TOX2: variants seen among roughly 807,000 people sequenced by gnomAD.
TOX2 encodes TOX high mobility group box family member 2.
Under a neutral mutation model 47.4 loss-of-function variants are expected in TOX2, and 15 were observed. That is an observed-to-expected ratio of 0.32 (90% CI 0.21 to 0.49). The LOEUF is 0.49. TOX2 is among the 20% of genes least tolerant of loss of function. The pLI, the probability that TOX2 is intolerant of heterozygous loss-of-function variation, is 0.99. For synonymous variants in TOX2, 290 were observed against 296.6 expected, an observed-to-expected ratio of 0.98 and a Z score of 0.23; for missense variants, 622 against 673.1, an observed-to-expected ratio of 0.92 and a Z score of 0.84.
At chr20:44,026,285 T>C (rs2071068105) in intron 3 of TOX2, among the ~76,000 whole-genome samples, 2 of 107,824 alleles carry the variant, frequency 1.9e-5, no homozygotes, top group Non-Finnish European at 3.7e-5. Context: ...TACTCAGCCA[T>C]AAAAAGGAAT....
chr20:43,952,073 TA>T (rs67043030), intron 1 of TOX2, among the ~76,000 whole-genome samples: 350 of 114,932 alleles, frequency 3.0e-3, no homozygotes, highest in Admixed American at 5.8e-3. Context: ...ATTTTTTTTT[TA>T]AAATTTTTAG....
intron 2 of TOX2, among the ~76,000 whole-genome samples, chr20:43,999,549 A>G (rs1444708417): frequency 6.6e-6 from 1 of 152,230 alleles, no homozygotes; most frequent in Non-Finnish European, 1.5e-5. Flanking sequence ...TCCTAAACTG[A>G]AAACTACACA....
chr20:43,931,491 A>G (rs2069252242), intron 1 of TOX2, among the ~76,000 whole-genome samples: 1 of 152,040 alleles, frequency 6.6e-6, no homozygotes, highest in Non-Finnish European at 1.5e-5. Context: ...GGAGGCTTTC[A>G]CTGCTATCCT....
At chr20:43,959,595 C>T (rs900203968) in intron 1 of TOX2, among the ~76,000 whole-genome samples, 5 of 152,192 alleles carry the variant, frequency 3.3e-5, no homozygotes, top group African/African-American at 4.8e-5. Flanking sequence ...TCCGACAACA[C>T]GAGCCTTTTG....
chr20:43,924,583 A>C (rs1488019352), intron 1 of TOX2, among the ~76,000 whole-genome samples: 1 of 152,152 alleles, frequency 6.6e-6, no homozygotes, highest in Non-Finnish European at 1.5e-5. Flanking sequence ...GCCCAGCCTC[A>C]ATGCAGGTCA....
chr20:44,010,062 CAG>C (rs1411161698), intron 3 of TOX2, among the ~76,000 whole-genome samples: 2 of 152,172 alleles, frequency 1.3e-5, no homozygotes, highest in Non-Finnish European at 2.9e-5. Flanking sequence ...AAATGTCTGG[CAG>C]AGAGTAAACA....
intron 5 of TOX2, among the ~76,000 whole-genome samples, chr20:44,056,541 A>G (rs1299566174): frequency 6.6e-6 from 1 of 152,138 alleles, no homozygotes; most frequent in Admixed American, 6.5e-5. Flanking sequence ...CGCAGCCCAG[A>G]GGCAAGCAAA....
chr20:44,028,137 G>C lies in TOX2; in HGVS notation c.411+21345G>C, dbSNP rs73292477. On this transcript the variant is annotated intron_variant, in intron 3 of 8. Coordinates refer to ENST00000341197, the MANE Select transcript of TOX2 (RefSeq NM_001098797.2). ...TGGAAAAAATAACAGGGTGTCAGGA[G>C]AGAGAATCAGCAGGGATCCTGATTT... Among the ~76,000 whole-genome samples the C allele has an allele frequency of 4.1e-3, 621 of 152,334 alleles. 2 individuals carry two copies. The highest frequency in any genetic ancestry group is 0.014 in the African/African-American group (588 of 41,564).
At chr20:44,032,054 A>G (rs1315527619) in intron 3 of TOX2, among the ~76,000 whole-genome samples, 1 of 152,162 alleles carries the variant, frequency 6.6e-6, no homozygotes, top group African/African-American at 2.4e-5. Context: ...ACAGAAGCAT[A>G]ATGGGATGGG....
chr20:44,051,338 C>T lies in TOX2; in HGVS notation c.444C>T (p.Ala148=). The part of the protein sequence containing the change: ...IQEMVHSEVA[A]YDSGRPGPLL... ...AGATGGTCCACTCGGAAGTGGCTGC[C>T]TATGACTCGGGCCGGCCCGGGCCCC... The change falls in exon 4 of 9, where the codon GCC becomes GCT. Residue 148 remains alanine (A), a synonymous_variant. Transcript: ENST00000341197. 1.2e-6 allele frequency: 2 copies of T among 1,612,762 alleles called. No homozygotes were observed. The highest frequency in any genetic ancestry group is 1.7e-6 in the Non-Finnish European group (2 of 1,179,060).
chr20:43,966,303 A>C (rs1310262817), intron 1 of TOX2, among the ~76,000 whole-genome samples: 3 of 152,220 alleles, frequency 2.0e-5, no homozygotes, highest in African/African-American at 7.2e-5. Context: ...TTTAGATGGA[A>C]GCTTTTGGTT....
At chr20:43,948,610 A>G (rs984890262) in intron 1 of TOX2, among the ~76,000 whole-genome samples, 1 of 151,996 alleles carries the variant, frequency 6.6e-6, no homozygotes, top group Admixed American at 6.5e-5. Flanking sequence ...TGTGCCACCC[A>G]CTGGGAGGCC....
In TOX2 at chr20:43,951,707, G is replaced by GGTTTTTTT. The variant is rs745489872; in HGVS notation, c.100-21660_100-21659insGTTTTTTT. On this transcript the variant is annotated intron_variant, in intron 1 of 8. Coordinates refer to ENST00000341197, the MANE Select transcript of TOX2 (RefSeq NM_001098797.2). ...TGACCATTACTATTAAACTTATTAT[G>GGTTTTTTT]TTTTTTTTTTTTTTTTTTTTTAGAG... is the stretch of plus-strand genomic sequence containing the variant. Among the ~76,000 whole-genome samples the GGTTTTTTT allele has an allele frequency of 6.7e-4, 37 of 55,094 alleles. 1 individual carries two copies. The highest frequency in any genetic ancestry group is 5.8e-3 in the East Asian group (11 of 1,888). The allele number at this position is 55,094 out of a possible 152,430, so 36.1% of individuals were successfully genotyped here.
intron 2 of TOX2, among the ~76,000 whole-genome samples, chr20:43,980,451 T>C (rs1242420505): frequency 6.6e-6 from 1 of 152,196 alleles, no homozygotes; most frequent in Admixed American, 6.5e-5. Flanking sequence ...TAATGTTTGA[T>C]AGTACAACAA....
At chr20:44,032,605 C>T (rs1052667759) in intron 3 of TOX2, among the ~76,000 whole-genome samples, 3 of 152,040 alleles carry the variant, frequency 2.0e-5, no homozygotes, top group African/African-American at 7.3e-5. Context: ...GGGCTTGTGG[C>T]TCAGTAAGGA....
At chr20:44,025,838 C>G (rs1469331673) in intron 3 of TOX2, among the ~76,000 whole-genome samples, 15 of 151,892 alleles carry the variant, frequency 9.9e-5, no homozygotes, top group Non-Finnish European at 8.8e-5. Context: ...CTTTCAGCCT[C>G]AGCTTTCTCA....
rs2071172374 is a variant in TOX2 at position 44,032,508 on chromosome 20, TGTGATGGAGAGGG to T, written c.412-18788_412-18776del. On this transcript the variant is annotated intron_variant, in intron 3 of 8. Transcript: ENST00000341197. ...TGAAGGAAGAGCAAGTGGGGGTGGATGTGATGGAGAGGGGTGATGGAGGGGACTGGAGTTGGGG... is the reference window on the plus strand; with the variant it reads ...TGAAGGAAGAGCAAGTGGGGGTGGATGTGATGGAGGGGACTGGAGTTGGGG... 2.6e-5 allele frequency among the ~76,000 whole-genome samples: 4 copies of T among 151,294 alleles called. No individual in the cohort carries two copies. In the South Asian group the frequency reaches 8.4e-4, roughly 32 times the overall value.
rs183955944 is a variant in TOX2 at position 44,006,663 on chromosome 20, G to T, written c.282G>T (p.Ser94=). 1.9e-6 allele frequency: 3 copies of T among 1,613,934 alleles called. No individual in the cohort carries two copies. The highest frequency in any genetic ancestry group is 2.5e-6 in the Non-Finnish European group (3 of 1,180,026). Residue 94 remains serine (S), a synonymous_variant, in exon 3 of 9, where the codon TCG becomes TCT. Coordinates refer to ENST00000341197, the MANE Select transcript of TOX2 (RefSeq NM_001098797.2). The stretch of plus-strand genomic sequence containing the variant: ...GGGACCACGAAGCCAGCTACCACTC[G>T]CTGTGCCACGGCCTCACCCCCAACG... ...HLGDHEASYH[S]LCHGLTPNGL... is the part of the protein sequence containing the mutation.
chr20:43,951,707 G>GTTGTTTTTTTTTTTTTTTTTTTTTT (rs2069571130), intron 1 of TOX2, among the ~76,000 whole-genome samples: 1 of 55,098 alleles, frequency 1.8e-5, no homozygotes, highest in Non-Finnish European at 3.9e-5. Flanking sequence ...AACTTATTAT[G>GTTGTTTTTTTTTTTTTTTTTTTTTT]TTTTTTTTTT....
Sources: gnomAD v4.1 joint callset for allele counts (sites outside exome capture counted in the v4.1 genomes callset) on GRCh38, gnomAD v4.1.1 for gene constraint, MANE v1.5 for transcripts, NCBI Gene and HGNC (gene_info 2026-07-23, HGNC 2026-07-21) for gene names.